CDH23: variants seen among roughly 807,000 people sequenced by gnomAD.
CDH23 encodes the protein cadherin-23.
Under a neutral mutation model 317.1 loss-of-function variants are expected in CDH23, and 189 were observed. The observed-to-expected ratio is 0.60, with a 90% CI of 0.53 to 0.67. The LOEUF is 0.67. Among genes scored for constraint, CDH23 ranks in the 30% least tolerant of loss-of-function variants. CDH23 has a pLI of 0.00. For synonymous variants in CDH23, 1,839 were observed against 1,876.8 expected, an observed-to-expected ratio of 0.98 and a Z score of 0.52; for missense variants, 4,401 against 4,592.4, an observed-to-expected ratio of 0.96 and a Z score of 1.20.
intron 3 of CDH23, among the ~76,000 whole-genome samples, chr10:71,504,345 T>C (rs1853513860): frequency 6.6e-6 from 1 of 152,226 alleles, no homozygotes. Context: ...TCACTGAGCA[T>C]AATGTCCTCA....
At chr10:71,787,406 C>G (rs1467496080) in intron 44 of CDH23, among the ~76,000 whole-genome samples, 1 of 148,288 alleles carries the variant, frequency 6.7e-6, no homozygotes, top group Non-Finnish European at 1.5e-5. Context: ...GAAGACTGGG[C>G]TTTTAGTGTA....
intron 46 of CDH23, 21 bp downstream of exon 46, chr10:71,790,434 A>C: frequency 1.9e-6 from 3 of 1,609,480 alleles, no homozygotes; most frequent in Non-Finnish European, 2.5e-6. Context: ...TGTGCCACCC[A>C]GCACTCCCAG....
At position 71,566,947 on chromosome 10, in the gene CDH23, A is replaced by T. The variant is rs770949827; in HGVS notation, c.624+11A>T. ...ACGGTCAACGCCACAGTGAGTCTCCATGCTGGGGCCCCGGCCGTCCCAGCT... is the reference window on the plus strand; with the variant it reads ...ACGGTCAACGCCACAGTGAGTCTCCTTGCTGGGGCCCCGGCCGTCCCAGCT... On this transcript the variant is annotated intron_variant, in intron 7 of 69. Transcript: ENST00000224721. The T allele has an allele frequency of 6.2e-7, 1 of 1,609,342 alleles. No homozygotes were observed. Among genetic ancestry groups the T allele is most frequent in the Non-Finnish European group, 8.5e-7 (1 of 1,179,168 alleles).
intron 3 of CDH23, among the ~76,000 whole-genome samples, chr10:71,499,610 C>T (rs1454033094): frequency 1.3e-5 from 2 of 151,838 alleles, no homozygotes; most frequent in Non-Finnish European, 2.9e-5. Context: ...GAGGCGGAGG[C>T]AGGTGGATCA....
At chr10:71,797,693 C>A (rs1841439178) in intron 49 of CDH23, among the ~76,000 whole-genome samples, 1 of 152,200 alleles carries the variant, frequency 6.6e-6, no homozygotes, top group Non-Finnish European at 1.5e-5. Flanking sequence ...GGTGCAGGCA[C>A]TTACGGTGGA....
chr10:71,805,908 C>A lies in CDH23; in HGVS notation c.7975C>A (p.Arg2659=), dbSNP rs753293704. The A allele has an allele frequency of 3.7e-6, 6 of 1,613,338 alleles. No individual in the cohort carries two copies. The highest frequency in any genetic ancestry group is 2.2e-5 in the South Asian group (2 of 90,958). ...CAGCTTCCTGAAGACTGCGGGCAAC[C>A]GGGACTGGGAGTTCTTCATCATCGA... ...RYSFLKTAGN[R]DWEFFIIDPI... Residue 2659 remains arginine (R), a synonymous_variant, in exon 56 of 70, where the codon CGG becomes AGG. Coordinates refer to ENST00000224721, the MANE Select transcript of CDH23 (RefSeq NM_022124.6).
At chr10:71,532,727 GTTTTT>G (rs200038577) in intron 6 of CDH23, among the ~76,000 whole-genome samples, 1,035 of 93,686 alleles carry the variant, frequency 0.011, 14 homozygotes, top group African/African-American at 0.035. Context: ...TTTTTTTTTT[GTTTTT>G]TTTTTTTTTT....
intron 38 of CDH23, among the ~76,000 whole-genome samples, chr10:71,774,571 C>G (rs1419131540): frequency 6.6e-6 from 1 of 152,172 alleles, no homozygotes; most frequent in Non-Finnish European, 1.5e-5. Context: ...GACCCTAGCA[C>G]AAAGCTGGGC....
rs1295321858 is a variant in CDH23, at chr10:71,732,321, C to T, written c.4050C>T (p.Phe1350=). The T allele has an allele frequency of 3.7e-6, 6 of 1,601,180 alleles. No homozygotes were observed. Among genetic ancestry groups the T allele is most frequent in the Middle Eastern group, 1.6e-4 (1 of 6,072 alleles). The change falls in exon 32 of 70, where the codon TTC becomes TTT. Residue 1350 remains phenylalanine (F), a synonymous_variant. Coordinates refer to ENST00000224721, the MANE Select transcript of CDH23 (RefSeq NM_022124.6). The stretch of plus-strand genomic sequence containing the variant: ...ACCTCAACCAAATCACGTACCGCTT[C>T]AACGCCTACACCAGCACCCAGGCCA... The part of the protein sequence containing the change: ...IDNLNQITYR[F]NAYTSTQAKA...
At chr10:71,594,950 T>C (rs1859741384) in intron 9 of CDH23, among the ~76,000 whole-genome samples, 1 of 152,236 alleles carries the variant, frequency 6.6e-6, no homozygotes, top group East Asian at 1.9e-4. Context: ...GCAAAATTAC[T>C]GACAGGATGT....
chr10:71,483,282 G>A lies in CDH23; in HGVS notation c.146-26800G>A, dbSNP rs562225181. The stretch of plus-strand genomic sequence containing the variant: ...ATGCTCACTTACCTATCCAGCATGG[G>A]ACACCCAAGCCCACAAGAGGCTGGT... On this transcript the variant is annotated intron_variant, in intron 3 of 69. Transcript: ENST00000224721. Among the ~76,000 whole-genome samples the A allele has an allele frequency of 4.6e-5, 7 of 152,338 alleles. No homozygotes were observed. In the South Asian group the frequency reaches 1.0e-3, roughly 23 times the overall value.
chr10:71,782,812 T>C (rs1664884196), intron 41 of CDH23, among the ~76,000 whole-genome samples: 2 of 152,226 alleles, frequency 1.3e-5, no homozygotes, highest in African/African-American at 4.8e-5. Flanking sequence ...AATCCTGCTT[T>C]AAGCAGCTTC....
Position 71,609,989 on chromosome 10 carries a change from T to TGA in CDH23, c.833-5514_833-5513insAG, listed in dbSNP as rs1156307060. On this transcript the variant is annotated intron_variant, in intron 9 of 69. Transcript: ENST00000224721. ...GTGTGTGTGTGTGTGTGTGTGTGTGTGTGTGTGAGAGAGACAGAGAGACGA... is the reference window on the plus strand; with the variant it reads ...GTGTGTGTGTGTGTGTGTGTGTGTGTGAGTGTGTGAGAGAGACAGAGAGACGA... Among the ~76,000 whole-genome samples, 83 of 130,652 alleles carry TGA rather than the reference T, an allele frequency of 6.4e-4. No individual in the cohort carries two copies. In the East Asian group the frequency reaches 6.8e-3, roughly 11 times the overall value. The allele number at this position is 130,652 out of a possible 152,430, so 85.7% of individuals were successfully genotyped here. A position where few individuals can be genotyped will look rare whatever the true frequency, so the allele number is the denominator to read the frequency against.
intron 66 of CDH23, chr10:71,812,270 A>G: frequency 1.3e-6 from 2 of 1,599,330 alleles, no homozygotes; most frequent in Non-Finnish European, 8.5e-7. Context: ...AAGCCTCTGC[A>G]CCAAAGGCAA....
chr10:71,540,973 C>G (rs1251736912), intron 6 of CDH23, among the ~76,000 whole-genome samples: 1 of 151,990 alleles, frequency 6.6e-6, no homozygotes, highest in Non-Finnish European at 1.5e-5. Flanking sequence ...CCCACGCAGG[C>G]CCTACCCAAC....
chr10:71,791,091 C>G, intron 46 of CDH23, 41 bp from the exon 47 acceptor site: 1 of 1,542,524 alleles, frequency 6.5e-7, no homozygotes, highest in African/African-American at 1.4e-5. Flanking sequence ...CACCGCACCC[C>G]TTTTCTGTGT....
rs1307760291 is a variant in CDH23, at chr10:71,732,384, C to T, written c.4104+9C>T. On this transcript the variant is annotated intron_variant, in intron 32 of 69. Transcript: ENST00000224721. Reference sequence around the variant, plus strand: ...AGATAGACGCCATCACGGTGAGGGGCTGGGGGCAGGGAGCACCATTTCTTC... The same window carrying T: ...AGATAGACGCCATCACGGTGAGGGGTTGGGGGCAGGGAGCACCATTTCTTC... 10 of 1,555,526 alleles carry T rather than the reference C, an allele frequency of 6.4e-6. No homozygotes were observed. In the East Asian group the frequency reaches 2.2e-4, roughly 34 times the overall value.
Position 71,645,876 on chromosome 10 carries a change from C to T in CDH23, c.1186C>T (p.His396Tyr). Reference sequence around the variant, plus strand: ...GGTGTACTTGGTGGGGAACAACTCCCACCACTTCATCATCTCCCCGACCTC... The same window carrying T: ...GGTGTACTTGGTGGGGAACAACTCCTACCACTTCATCATCTCCCCGACCTC... The part of the protein sequence containing the change: ...FEVYLVGNNS[H>Y]HFIISPTSVQ... Residue 396 changes from histidine (H) to tyrosine (Y), a missense_variant, in exon 13 of 70, where the codon CAC (histidine) becomes TAC (tyrosine). This residue lies in a region of CDH23 where 3,068 missense variants were observed against 3,203.3 expected (regional missense o/e 0.96). Coordinates refer to ENST00000224721, the MANE Select transcript of CDH23 (RefSeq NM_022124.6). 6.2e-7 allele frequency: 1 copy of T among 1,613,542 alleles called. No individual in the cohort carries two copies. The highest frequency in any genetic ancestry group is 8.5e-7 in the Non-Finnish European group (1 of 1,179,538).
intron 48 of CDH23, among the ~76,000 whole-genome samples, chr10:71,793,982 T>C (rs567726763): frequency 6.9e-4 from 105 of 152,244 alleles, no homozygotes; most frequent in African/African-American, 2.5e-3. Context: ...ACCTTGTTTG[T>C]TCTTTTGTTT....
Sources: allele counts gnomAD v4.1 joint callset (sites outside exome capture counted in the v4.1 genomes callset), GRCh38; gene constraint gnomAD v4.1.1; regional missense constraint gnomAD v4.1.1; transcripts MANE v1.5; gene names NCBI Gene and HGNC (gene_info 2026-07-23, HGNC 2026-07-21).